FHIT: variants seen among roughly 807,000 people sequenced by gnomAD.
The protein encoded by FHIT is bis(5'-adenosyl)-triphosphatase.
FHIT carries 19 observed loss-of-function variants against 17.9 expected under a neutral mutation model. That is an observed-to-expected ratio of 1.06 (90% CI 0.74 to 1.56). FHIT has a LOEUF of 1.56. Among genes scored for constraint, FHIT ranks in the 40% most tolerant of loss-of-function variants. The pLI is 0.00. For missense variants in FHIT, 248 were observed against 189.2 expected (o/e 1.31, Z -1.82); for synonymous variants, 81 against 69.7 (o/e 1.16, Z -0.81).
Position 60,952,064 on chromosome 3 carries a change from G to T in FHIT, c.-111+89983C>A, listed in dbSNP as rs377401117. ...ACCTGTAATCCCAGCTACTCGGGAG[G>T]CTGAGGCAGGAGAATTGCTTAAACC... On this transcript the variant is annotated intron_variant, in intron 3 of 9. Coordinates refer to ENST00000492590, the MANE Select transcript of FHIT (RefSeq NM_002012.4). 2.6e-5 allele frequency among the ~76,000 whole-genome samples: 4 copies of T among 151,938 alleles called. No homozygotes were observed. The East Asian group carries it at 7.8e-4, about 29-fold the overall frequency.
chr3:61,174,953 A>T (rs2038113951), intron 2 of FHIT, among the ~76,000 whole-genome samples: 1 of 152,188 alleles, frequency 6.6e-6, no homozygotes, highest in South Asian at 2.1e-4. Flanking sequence ...GCATGCAATG[A>T]TCTCGAGGAA....
chr3:60,353,391 G>A (rs2106953562), intron 5 of FHIT, among the ~76,000 whole-genome samples: 1 of 152,248 alleles, frequency 6.6e-6, no homozygotes, highest in South Asian at 2.1e-4. Context: ...CTGCCCAGTA[G>A]AGGGTCTACT....
intron 5 of FHIT, among the ~76,000 whole-genome samples, chr3:60,240,343 G>A (rs1292451917): frequency 6.6e-6 from 1 of 152,176 alleles, no homozygotes; most frequent in Non-Finnish European, 1.5e-5. Context: ...TAGCTATTAA[G>A]CTACAGCTTG....
intron 4 of FHIT, among the ~76,000 whole-genome samples, chr3:60,650,493 T>C (rs2039966138): frequency 6.6e-6 from 1 of 152,164 alleles, no homozygotes; most frequent in African/African-American, 2.4e-5. Flanking sequence ...CAGCTATAGC[T>C]TCCCCCTTCT....
chr3:61,188,762 A>G (rs4688333), intron 2 of FHIT, among the ~76,000 whole-genome samples: 35,346 of 151,626 alleles, frequency 0.23, 5,309 homozygotes, highest in East Asian at 0.71. Flanking sequence ...TCCCTGGGAT[A>G]CAAGGCTGGT....
At chr3:60,042,257 T>C (rs1701472203) in intron 5 of FHIT, among the ~76,000 whole-genome samples, 1 of 152,248 alleles carries the variant, frequency 6.6e-6, no homozygotes, top group South Asian at 2.1e-4. Context: ...AAAAAGCATT[T>C]TGAATGGAAA....
At chr3:60,363,204 C>T (rs892554863) in intron 5 of FHIT, among the ~76,000 whole-genome samples, 3 of 152,110 alleles carry the variant, frequency 2.0e-5, no homozygotes, top group Non-Finnish European at 4.4e-5. Flanking sequence ...TCGGCAACCC[C>T]ACATCAGTCC....
At chr3:60,246,852 C>G (rs1282314399) in intron 5 of FHIT, among the ~76,000 whole-genome samples, 1 of 152,110 alleles carries the variant, frequency 6.6e-6, no homozygotes, top group Non-Finnish European at 1.5e-5. Flanking sequence ...GTTTCTCTTA[C>G]TGGGTTTTCA....
At chr3:60,884,307 G>T (rs577221003) in intron 3 of FHIT, among the ~76,000 whole-genome samples, 224 of 152,202 alleles carry the variant, frequency 1.5e-3, no homozygotes, top group South Asian at 4.8e-3. Context: ...CGGTATGGAG[G>T]TTCTTCAAAA....
chr3:61,039,307 A>G (rs1329565573), intron 3 of FHIT, among the ~76,000 whole-genome samples: 1 of 152,192 alleles, frequency 6.6e-6, no homozygotes, highest in Non-Finnish European at 1.5e-5. Context: ...AGAGATTACT[A>G]CAACAACATT....
intron 7 of FHIT, among the ~76,000 whole-genome samples, chr3:59,934,919 G>T (rs113460546): frequency 6.6e-6 from 1 of 152,076 alleles, no homozygotes; most frequent in African/African-American, 2.4e-5. Context: ...ATTTGGGTGC[G>T]GATGCAGCCA....
At chr3:61,221,301 TA>T (rs1302532021) in intron 1 of FHIT, among the ~76,000 whole-genome samples, 1 of 152,250 alleles carries the variant, frequency 6.6e-6, no homozygotes, top group African/African-American at 2.4e-5. Flanking sequence ...TTAAGTCAAA[TA>T]GCTCTGTTCC....
chr3:60,417,011 C>T (rs550603717), intron 5 of FHIT, among the ~76,000 whole-genome samples: 1 of 151,726 alleles, frequency 6.6e-6, no homozygotes, highest in South Asian at 2.1e-4. Context: ...ATGGCATGAA[C>T]CTGGGAGGCG....
intron 4 of FHIT, among the ~76,000 whole-genome samples, chr3:60,735,002 A>G (rs1316016867): frequency 1.3e-5 from 2 of 152,218 alleles, no homozygotes; most frequent in Non-Finnish European, 2.9e-5. Context: ...CAGACACAAA[A>G]TGACCAGCAT....
chr3:60,205,166 C>T (rs976070917), intron 5 of FHIT, among the ~76,000 whole-genome samples: 2 of 151,944 alleles, frequency 1.3e-5, no homozygotes, highest in Non-Finnish European at 2.9e-5. Flanking sequence ...AAGGCTGGAT[C>T]CCACCAGCAG....
In FHIT at chr3:61,021,309, C is replaced by A. The variant is rs566837890; in HGVS notation, c.-111+20738G>T. ...ACACTCCTCAGCAAATGAAAAAGAA[C>A]AGAAATCAGGCCGGGCGCGGTGGCT... On this transcript the variant is annotated intron_variant, in intron 3 of 9. Coordinates refer to ENST00000492590, the MANE Select transcript of FHIT (RefSeq NM_002012.4). 1.3e-3 allele frequency among the ~76,000 whole-genome samples: 192 copies of A among 152,266 alleles called. 2 individuals carry two copies. Among genetic ancestry groups the A allele is most frequent in the Non-Finnish European group, 2.0e-3 (138 of 68,022 alleles).
intron 5 of FHIT, among the ~76,000 whole-genome samples, chr3:60,196,541 C>T (rs188158758): frequency 1.2e-3 from 182 of 152,194 alleles, no homozygotes; most frequent in Admixed American, 1.8e-3. Context: ...CCCATTTGGT[C>T]ATGTAAGGTA....
At chr3:60,440,405 T>C (rs754494445) in intron 5 of FHIT, among the ~76,000 whole-genome samples, 2 of 152,074 alleles carry the variant, frequency 1.3e-5, no homozygotes, top group Admixed American at 6.6e-5. Flanking sequence ...TTGAAAGGAA[T>C]TGTAGGCATG....
At chr3:60,751,140 C>T (rs1553716712) in intron 4 of FHIT, among the ~76,000 whole-genome samples, 1 of 152,200 alleles carries the variant, frequency 6.6e-6, no homozygotes, top group Non-Finnish European at 1.5e-5. Flanking sequence ...GTGGTTAGAA[C>T]AACAGAAGAC....
Sources: allele counts gnomAD v4.1 joint callset (sites outside exome capture counted in the v4.1 genomes callset), GRCh38; gene constraint gnomAD v4.1.1; transcripts MANE v1.5; gene names NCBI Gene and HGNC (gene_info 2026-07-23, HGNC 2026-07-21).